TAFA2: variants seen among roughly 807,000 people sequenced by gnomAD.
The protein encoded by TAFA2 is chemokine-like protein TAFA-2.
In TAFA2, 7 loss-of-function variants were observed where a neutral mutation model predicts 18.8. The ratio of observed to expected loss-of-function variants is 0.37; its 90% CI spans 0.21 to 0.70. TAFA2 has a LOEUF of 0.70. Among genes scored for constraint, TAFA2 ranks in the 30% least tolerant of loss-of-function variants. TAFA2 has a pLI of 0.53. For missense variants in TAFA2, 122 were observed against 158.1 expected, an observed-to-expected ratio of 0.77 and a Z score of 1.23; for synonymous variants, 60 against 54.2, an observed-to-expected ratio of 1.11 and a Z score of -0.47.
chr12:62,125,297 A>G (rs1284056815), intron 1 of TAFA2, among the ~76,000 whole-genome samples: 1 of 152,178 alleles, frequency 6.6e-6, no homozygotes, highest in African/African-American at 2.4e-5. Flanking sequence ...GCAGGAACCA[A>G]ACCAAGCAAA....
At chr12:62,135,194 C>T (rs894902742) in intron 1 of TAFA2, among the ~76,000 whole-genome samples, 23 of 152,130 alleles carry the variant, frequency 1.5e-4, no homozygotes, top group Admixed American at 8.5e-4. Flanking sequence ...AAAACCTATT[C>T]CCTTCCCTCT....
At chr12:61,891,093 C>A (rs1592464442) in intron 1 of TAFA2, among the ~76,000 whole-genome samples, 1 of 152,128 alleles carries the variant, frequency 6.6e-6, no homozygotes, top group South Asian at 2.1e-4. Context: ...TAACATAGTC[C>A]TTCCATCATG....
intron 1 of TAFA2, among the ~76,000 whole-genome samples, chr12:61,994,104 CT>C (rs1355764983): frequency 6.6e-6 from 1 of 152,124 alleles, no homozygotes; most frequent in Non-Finnish European, 1.5e-5. Context: ...TTACTCTATC[CT>C]TTGTCCCCTT....
At chr12:61,922,370 G>T (rs1398218373) in intron 1 of TAFA2, among the ~76,000 whole-genome samples, 3 of 152,096 alleles carry the variant, frequency 2.0e-5, no homozygotes, top group Non-Finnish European at 4.4e-5. Flanking sequence ...CACAGAAGGT[G>T]GGTGATTTCT....
At chr12:62,230,460 C>T (rs1179764914) in intron 1 of TAFA2, among the ~76,000 whole-genome samples, 1 of 151,992 alleles carries the variant, frequency 6.6e-6, no homozygotes, top group East Asian at 1.9e-4. Context: ...CTAATTTCTT[C>T]ATCAGCCCCT....
intron 4 of TAFA2, among the ~76,000 whole-genome samples, chr12:61,711,300 G>A (rs943007140): frequency 1.3e-5 from 2 of 151,680 alleles, no homozygotes; most frequent in Non-Finnish European, 2.9e-5. Flanking sequence ...GAGAGAGAGA[G>A]AGGATAGAGG....
intron 4 of TAFA2, among the ~76,000 whole-genome samples, chr12:61,752,214 A>C (rs1411635891): frequency 1.3e-5 from 2 of 152,032 alleles, no homozygotes; most frequent in African/African-American, 4.8e-5. Context: ...TAACTCATGT[A>C]AAGCATTTTG....
intron 1 of TAFA2, among the ~76,000 whole-genome samples, chr12:61,993,755 A>T (rs1312181273): frequency 6.6e-6 from 1 of 152,198 alleles, no homozygotes; most frequent in Non-Finnish European, 1.5e-5. Flanking sequence ...AAATACAGAC[A>T]ATGAAAATAA....
At chr12:62,194,871 C>T (rs1182963950), upstream of TAFA2, among the ~76,000 whole-genome samples, 2 of 152,190 alleles carry the variant, frequency 1.3e-5, no homozygotes, top group East Asian at 3.8e-4. Flanking sequence ...GTTATGTTTA[C>T]ACCATACTGC....
chr12:62,214,253 G>A (rs1372761808), intron 1 of TAFA2, among the ~76,000 whole-genome samples: 1 of 152,140 alleles, frequency 6.6e-6, no homozygotes, highest in African/African-American at 2.4e-5. Flanking sequence ...TGTTGTGGGA[G>A]GTAATTGAAT....
intron 1 of TAFA2, among the ~76,000 whole-genome samples, chr12:62,105,714 A>G (rs1869417635): frequency 6.6e-6 from 1 of 152,206 alleles, no homozygotes; most frequent in South Asian, 2.1e-4. Flanking sequence ...TATATACAGT[A>G]ATTTCCCACT....
intron 1 of TAFA2, among the ~76,000 whole-genome samples, chr12:62,229,199 A>G (rs2062801253): frequency 6.6e-6 from 1 of 151,996 alleles, no homozygotes; most frequent in Non-Finnish European, 1.5e-5. Flanking sequence ...GGATGCCTTC[A>G]ATTTATTTTT....
intron 1 of TAFA2, among the ~76,000 whole-genome samples, chr12:62,154,952 C>T (rs1440384923): frequency 6.6e-6 from 1 of 152,138 alleles, no homozygotes; most frequent in African/African-American, 2.4e-5. Context: ...CCAGAGCAAT[C>T]AGACAAGAGA....
chr12:62,128,855 T>C, intron 1 of TAFA2, among the ~76,000 whole-genome samples: 1 of 152,088 alleles, frequency 6.6e-6, no homozygotes, highest in East Asian at 1.9e-4. Flanking sequence ...GCAGTTTCTA[T>C]TGTGTAAGTC....
At chr12:61,828,581 A>G (rs1024696087) in intron 2 of TAFA2, among the ~76,000 whole-genome samples, 1 of 151,874 alleles carries the variant, frequency 6.6e-6, no homozygotes, top group African/African-American at 2.4e-5. Context: ...TGTACACAGT[A>G]ATACACTTGG....
chr12:62,108,722 T>A (rs905333695), intron 1 of TAFA2, among the ~76,000 whole-genome samples: 10 of 152,254 alleles, frequency 6.6e-5, no homozygotes, highest in African/African-American at 1.9e-4. Flanking sequence ...TTGATTTGCA[T>A]TTCTCTAATG....
intron 2 of TAFA2, among the ~76,000 whole-genome samples, chr12:61,824,672 G>C (rs1235305200): frequency 2.0e-5 from 3 of 152,092 alleles, no homozygotes; most frequent in Non-Finnish European, 4.4e-5. Context: ...GCCATTCCTT[G>C]CATCTAGAGT....
At position 62,149,062 on chromosome 12, in the gene TAFA2, C is replaced by T. The variant is rs148739254; in HGVS notation, c.-2+42197G>A. The stretch of plus-strand genomic sequence containing the variant: ...GAATGGACCACACCCTCAGCCTGAT[C>T]CAGAGCTAGGCCTTAGCACAGACTT... On this transcript the variant is annotated intron_variant, in intron 1 of 4. Transcript: ENST00000416284. 4.1e-3 allele frequency among the ~76,000 whole-genome samples: 624 copies of T among 152,336 alleles called. 25 individuals carry two copies. Among genetic ancestry groups the T allele is most frequent in the Admixed American group, 0.038 (580 of 15,294 alleles).
intron 1 of TAFA2, among the ~76,000 whole-genome samples, chr12:62,120,962 C>A (rs1870169845): frequency 1.3e-5 from 2 of 152,064 alleles, no homozygotes; most frequent in African/African-American, 4.8e-5. Flanking sequence ...TTCAAGCATT[C>A]TCCTGCCTCA....
Sources: gnomAD v4.1 joint callset for allele counts (sites outside exome capture counted in the v4.1 genomes callset) on GRCh38, gnomAD v4.1.1 for gene constraint, MANE v1.5 for transcripts, NCBI Gene and HGNC (gene_info 2026-07-23, HGNC 2026-07-21) for gene names.